IL12RB2: variants seen among roughly 807,000 people sequenced by gnomAD.
IL12RB2 encodes interleukin-12 receptor subunit beta-2.
In IL12RB2, 82 loss-of-function variants were observed where a neutral mutation model predicts 89.4. The observed-to-expected ratio is 0.92, with a 90% confidence interval of 0.77 to 1.10. The LOEUF is 1.10. IL12RB2 is among the 50% of genes least tolerant of loss of function. The pLI is 0.00. For synonymous variants in IL12RB2, 368 were observed against 370.1 expected (o/e 0.99, Z 0.07); for missense variants, 963 against 1,031.9 (o/e 0.93, Z 0.92).
At chr1:67,341,529 GAGAAAGAAAGAA>G (rs200463047) in intron 9 of IL12RB2, among the ~76,000 whole-genome samples, 40 of 110,674 alleles carry the variant, frequency 3.6e-4, no homozygotes, top group African/African-American at 1.1e-3. Flanking sequence ...AAAAAAGAAA[GAGAAAGAAAGAA>G]AGAAAGAAAG....
intron 2 of IL12RB2, among the ~76,000 whole-genome samples, chr1:67,319,601 G>A (rs1454924121): frequency 6.6e-6 from 1 of 152,150 alleles, no homozygotes; most frequent in Non-Finnish European, 1.5e-5. Context: ...ATGGTATGAT[G>A]ATGAAGCCTT....
At chr1:67,346,597 GC>G (rs1474492852) in intron 9 of IL12RB2, among the ~76,000 whole-genome samples, 3 of 152,146 alleles carry the variant, frequency 2.0e-5, no homozygotes, top group Non-Finnish European at 4.4e-5. Context: ...TGTTGGCTGA[GC>G]TGGTCTCAAA....
At chr1:67,376,603 C>CT (rs1471757965) in intron 13 of IL12RB2, among the ~76,000 whole-genome samples, 1 of 152,168 alleles carries the variant, frequency 6.6e-6, no homozygotes, top group Non-Finnish European at 1.5e-5. Context: ...TGACTTCTTT[C>CT]TTCTATTCAG....
chr1:67,386,870 TTTTATA>T lies in IL12RB2; in HGVS notation c.1946+203_1946+208del, dbSNP rs1219563305. The stretch of plus-strand genomic sequence containing the variant: ...CTAACAATCTCTAACTAGAAATGTA[TTTTATA>T]TATATATATATATATATATATATAT... On this transcript the variant is annotated intron_variant, in intron 15 of 16. Coordinates refer to ENST00000674203, the MANE Select transcript of IL12RB2 (RefSeq NM_001374259.2). 1.6e-3 allele frequency among the ~76,000 whole-genome samples: 187 copies of T among 116,436 alleles called. 2 individuals carry two copies. Among genetic ancestry groups the T allele is most frequent in the African/African-American group, 7.2e-3 (179 of 24,998 alleles). 76.4% of individuals were successfully genotyped at this position (116,436 alleles called of 152,430 possible). A position where few individuals can be genotyped will look rare whatever the true frequency, so the allele number is the denominator to read the frequency against.
intron 15 of IL12RB2, 79 bp downstream of exon 15, chr1:67,386,748 A>T: frequency 1.1e-6 from 1 of 936,306 alleles, no homozygotes; most frequent in South Asian, 1.3e-5. Flanking sequence ...TGGGTCAGGG[A>T]AATGGACACT....
Position 67,328,336 on chromosome 1 carries a change from C to T in IL12RB2, c.616C>T (p.Leu206Phe), listed in dbSNP as rs769581876. The change falls in exon 6 of 17, where the codon CTT becomes TTT. Residue 206 changes from leucine to phenylalanine, a missense_variant. Physicochemically the swap from Leu to Phe is conservative, Grantham distance 22. Coordinates refer to ENST00000674203, the MANE Select transcript of IL12RB2 (RefSeq NM_001374259.2). ...FTAKVTAVNS[L>F]GSSSSLPSTF... ...AGCCAAGGTTACTGCTGTCAATAGT[C>T]TTGGAAGCTCCTCTTCACTTCCATC... 3.1e-6 allele frequency: 5 copies of T among 1,614,168 alleles called. No homozygotes were observed. The South Asian group carries it at 5.5e-5, about 18-fold the overall frequency.
At position 67,390,057 on chromosome 1, in the gene IL12RB2, C is replaced by G; in HGVS notation, c.1975C>G (p.Pro659Ala). 7.4e-7 allele frequency: 1 copy of G among 1,360,374 alleles called. No individual in the cohort carries two copies. Among genetic ancestry groups the G allele is most frequent in the South Asian group, 1.2e-5 (1 of 85,926 alleles). 84.3% of individuals were successfully genotyped at this position (1,360,374 alleles called of 1,614,324 possible). A position where few individuals can be genotyped will look rare whatever the true frequency, so the allele number is the denominator to read the frequency against. ...GTTTGTTCTCCTAGCAGCCCTCAGA[C>G]CTCAGTGGTGTAGCAGAGAAATTCC... ...KVFVLLAALR[P>A]QWCSREIPDP... Residue 659 changes from proline (P) to alanine (A), a missense_variant, in exon 16 of 17, where the codon CCT (proline) becomes GCT (alanine). Pro to Ala is a conservative substitution (Grantham distance 27). Transcript: ENST00000674203.
rs560943356 is a variant in IL12RB2 at position 67,392,109 on chromosome 1, C to T, written c.2046+1981C>T. 1.8e-4 allele frequency among the ~76,000 whole-genome samples: 27 copies of T among 152,116 alleles called. 1 individual carries two copies. In the East Asian group the frequency reaches 4.6e-3, roughly 26 times the overall value. On this transcript the variant is annotated intron_variant, in intron 16 of 16. Coordinates refer to ENST00000674203, the MANE Select transcript of IL12RB2 (RefSeq NM_001374259.2). ...ACACATTTTAAAGGATCTTTAAACA[C>T]GGGGTGAGGAGAGAGTTTCTAGCAG...
chr1:67,324,478 C>T (rs1199048801), intron 4 of IL12RB2, among the ~76,000 whole-genome samples: 1 of 152,180 alleles, frequency 6.6e-6, no homozygotes, highest in Non-Finnish European at 1.5e-5. Context: ...CCATCAGCCT[C>T]CCAAGTAGCT....
intron 1 of IL12RB2, among the ~76,000 whole-genome samples, chr1:67,313,452 G>A (rs1335858740): frequency 6.6e-6 from 1 of 152,264 alleles, no homozygotes; most frequent in Non-Finnish European, 1.5e-5. Context: ...GTTAAGATTA[G>A]CATTATTTTT....
At chr1:67,384,740 G>A (rs182745957) in intron 14 of IL12RB2, among the ~76,000 whole-genome samples, 1 of 152,264 alleles carries the variant, frequency 6.6e-6, no homozygotes, top group Admixed American at 6.5e-5. Context: ...CAAGTTCAAA[G>A]TTCCAAAGAT....
chr1:67,342,693 C>T (rs1206583384), intron 9 of IL12RB2, among the ~76,000 whole-genome samples: 1 of 151,496 alleles, frequency 6.6e-6, no homozygotes, highest in Non-Finnish European at 1.5e-5. Context: ...CTCCTTTTCC[C>T]ATGACTTAGT....
intron 10 of IL12RB2, among the ~76,000 whole-genome samples, chr1:67,358,934 G>A (rs372361797): frequency 2.6e-5 from 4 of 152,210 alleles, no homozygotes; most frequent in South Asian, 4.1e-4. Context: ...TTGAAGCCAG[G>A]AGTTCGAGAC....
chr1:67,323,694 G>A (rs956826960), intron 4 of IL12RB2, among the ~76,000 whole-genome samples: 4 of 152,194 alleles, frequency 2.6e-5, no homozygotes, highest in Admixed American at 1.3e-4. Flanking sequence ...ATATTTCCTC[G>A]CATGCACCCT....
At chr1:67,382,708 A>T (rs1271596773) in intron 14 of IL12RB2, among the ~76,000 whole-genome samples, 44 of 134,838 alleles carry the variant, frequency 3.3e-4, no homozygotes, top group Middle Eastern at 3.9e-3. Context: ...CCAACTCTAC[A>T]TTTTTTTTTT....
At chr1:67,382,708 A>ATTTT (rs10693344) in intron 14 of IL12RB2, among the ~76,000 whole-genome samples, 10,035 of 134,786 alleles carry the variant, frequency 0.074, 577 homozygotes, top group Middle Eastern at 0.11. Flanking sequence ...CCAACTCTAC[A>ATTTT]TTTTTTTTTT....
chr1:67,379,509 C>CAAAAA (rs58494224), intron 13 of IL12RB2, among the ~76,000 whole-genome samples: 4,879 of 68,394 alleles, frequency 0.071, 427 homozygotes, highest in African/African-American at 0.11. Flanking sequence ...GAACCTGTCT[C>CAAAAA]AAAAAAAAAA....
In IL12RB2 at chr1:67,372,460, A is replaced by G. The variant is rs770293204; in HGVS notation, c.1484A>G (p.Tyr495Cys). Residue 495 changes from tyrosine (Y) to cysteine (C), a missense_variant, in exon 12 of 17, where the codon TAT (tyrosine) becomes TGT (cysteine). Coordinates refer to ENST00000674203, the MANE Select transcript of IL12RB2 (RefSeq NM_001374259.2). Reference protein sequence around the residue: ...ISENIKSYICYEIRVYALSGD... With the variant: ...ISENIKSYICCEIRVYALSGD... ...GAGAACATAAAATCCTACATCTGTT[A>G]TGAAATCCGTGTGTATGCACTCTCA... 6 of 1,589,418 alleles carry G rather than the reference A, an allele frequency of 3.8e-6. No individual in the cohort carries two copies. The East Asian group carries it at 1.3e-4, about 35-fold the overall frequency.
intron 4 of IL12RB2, among the ~76,000 whole-genome samples, chr1:67,322,669 A>T (rs5022165): frequency 4.2e-5 from 6 of 141,694 alleles, no homozygotes; most frequent in African/African-American, 1.5e-4. Context: ...ATCTCATGAC[A>T]AGAGAAAGAA....
Sources: gnomAD v4.1 joint callset for allele counts (sites outside exome capture counted in the v4.1 genomes callset) on GRCh38, gnomAD v4.1.1 for gene constraint, MANE v1.5 for transcripts, NCBI Gene and HGNC (gene_info 2026-07-23, HGNC 2026-07-21) for gene names.